The following UBAP2 variants were observed in gnomAD, a reference collection of about 807,000 sequenced individuals.
The protein encoded by UBAP2 is ubiquitin-associated protein 2.
In UBAP2, 75 loss-of-function variants were observed where a neutral mutation model predicts 139.6. The ratio of observed to expected loss-of-function variants is 0.54; its 90% CI spans 0.45 to 0.65. UBAP2 has a LOEUF of 0.65. Among genes scored for constraint, UBAP2 ranks in the 30% least tolerant of loss-of-function variants. The pLI is 0.00. For missense variants in UBAP2, 1,368 were observed against 1,369.6 expected, an observed-to-expected ratio of 1.00 and a Z score of 0.02; for synonymous variants, 526 against 526.2, an observed-to-expected ratio of 1.00 and a Z score of 0.01.
intron 21 of UBAP2, 132 bp from the exon 22 acceptor site, chr9:33,926,796 G>A (rs1041548327): frequency 2.6e-5 from 28 of 1,067,658 alleles, no homozygotes; most frequent in African/African-American, 6.2e-5. Context: ...TAGCTGTTAC[G>A]GGAACAGATC....
At chr9:33,997,606 T>C (rs1474497146) in intron 3 of UBAP2, 3 of 152,220 alleles carry the variant, frequency 2.0e-5, no homozygotes, top group East Asian at 1.9e-4. Flanking sequence ...AAATGTCTCA[T>C]TTTTATCAAT....
At chr9:33,992,667 G>C (rs1031251010) in intron 4 of UBAP2, among the ~76,000 whole-genome samples, 2 of 132,288 alleles carry the variant, frequency 1.5e-5, no homozygotes, top group African/African-American at 2.7e-5. Context: ...GAGGGGGGGG[G>C]GCACAAATAG....
chr9:33,969,124 AGTATG>A (rs1484667938), intron 8 of UBAP2, among the ~76,000 whole-genome samples: 6 of 152,226 alleles, frequency 3.9e-5, no homozygotes, highest in Non-Finnish European at 8.8e-5. Context: ...TTCAACAGGA[AGTATG>A]GGTTGTTTCT....
chr9:34,010,530 T>C (rs1451541998), intron 2 of UBAP2, among the ~76,000 whole-genome samples: 1 of 152,020 alleles, frequency 6.6e-6, no homozygotes, highest in African/African-American at 2.4e-5. Flanking sequence ...TTAATTCACT[T>C]TGAAAAGCAT....
intron 10 of UBAP2, among the ~76,000 whole-genome samples, chr9:33,957,562 T>C (rs528482457): frequency 1.4e-3 from 210 of 152,364 alleles, no homozygotes; most frequent in Middle Eastern, 6.8e-3. Context: ...TTGGGATATA[T>C]GCACACTGTT....
chr9:33,983,980 C>T (rs931689029), intron 6 of UBAP2, among the ~76,000 whole-genome samples: 1 of 151,672 alleles, frequency 6.6e-6, no homozygotes, highest in Non-Finnish European at 1.5e-5. Context: ...GGTACAATCT[C>T]GGCTCACTGC....
At chr9:33,946,983 C>CT (rs1432903585) in intron 13 of UBAP2, among the ~76,000 whole-genome samples, 1 of 152,198 alleles carries the variant, frequency 6.6e-6, no homozygotes. Flanking sequence ...TGCCAACACA[C>CT]TAACCTATTA....
chr9:34,039,415 G>A (rs1478117598), intron 1 of UBAP2, among the ~76,000 whole-genome samples: 1 of 152,220 alleles, frequency 6.6e-6, no homozygotes, highest in Non-Finnish European at 1.5e-5. Flanking sequence ...ATAGAAAAGG[G>A]GGAAATGTGG....
chr9:34,007,253 G>A (rs1823298262), intron 2 of UBAP2, among the ~76,000 whole-genome samples: 1 of 152,044 alleles, frequency 6.6e-6, no homozygotes, highest in Non-Finnish European at 1.5e-5. Flanking sequence ...CAACACTTTG[G>A]GAGGCTGAGG....
At position 33,977,375 on chromosome 9, in the gene UBAP2, C is replaced by T. The variant is rs529332519; in HGVS notation, c.521-4138G>A. ...TTAAAAATTAAAAAATCTAATCCAT[C>T]GTCCCCATAAATTCTAGCAAGATAA... On this transcript the variant is annotated intron_variant, in intron 6 of 28. Transcript: ENST00000379238. 3.9e-5 allele frequency among the ~76,000 whole-genome samples: 6 copies of T among 152,188 alleles called. 1 individual carries two copies. In the South Asian group the frequency reaches 6.2e-4, roughly 16 times the overall value.
At chr9:33,938,361 C>T (rs1824783449) in intron 16 of UBAP2, among the ~76,000 whole-genome samples, 1 of 151,906 alleles carries the variant, frequency 6.6e-6, no homozygotes, top group South Asian at 2.1e-4. Context: ...AAACTCCTGA[C>T]CTCAAGCAAT....
At chr9:33,987,405 C>CT (rs1236352545) in intron 5 of UBAP2, among the ~76,000 whole-genome samples, 1 of 152,044 alleles carries the variant, frequency 6.6e-6, no homozygotes, top group East Asian at 1.9e-4. Context: ...GAGCAAGACT[C>CT]TGTCTCAGAA....
chr9:34,035,269 G>A (rs1297786401), intron 1 of UBAP2, among the ~76,000 whole-genome samples: 8 of 151,540 alleles, frequency 5.3e-5, no homozygotes, highest in Admixed American at 6.6e-5. Context: ...TTGGGAGGCC[G>A]AGGCGGGCGG....
chr9:33,995,498 T>TATATATTTATATTATTAAATATATAA (rs1242540527), intron 4 of UBAP2: 12 of 130,760 alleles, frequency 9.2e-5, no homozygotes, highest in African/African-American at 2.1e-4. Context: ...TTATTAAATA[T>TATATATTTATATTATTAAATATATAA]ATATATTTAT....
At chr9:34,025,512 T>G (rs551065830) in intron 1 of UBAP2, among the ~76,000 whole-genome samples, 15 of 152,328 alleles carry the variant, frequency 9.8e-5, no homozygotes, top group African/African-American at 3.6e-4. Context: ...TGTGATAGAT[T>G]TTAACACAGG....
At chr9:33,983,713 G>A (rs1182709562) in intron 6 of UBAP2, among the ~76,000 whole-genome samples, 3 of 152,032 alleles carry the variant, frequency 2.0e-5, no homozygotes, top group Non-Finnish European at 4.4e-5. Flanking sequence ...AATTAGCAGA[G>A]GTGTACGTGC....
rs13294858 is a variant in UBAP2 at position 33,978,288 on chromosome 9, C to T, written c.521-5051G>A. ...GTGGCTCATGTCTGTAATCCCAGCACCTTGGTAGGTCAAGATGGGAGGATC... is the reference window on the plus strand; with the variant it reads ...GTGGCTCATGTCTGTAATCCCAGCATCTTGGTAGGTCAAGATGGGAGGATC... On this transcript the variant is annotated intron_variant, in intron 6 of 28. Coordinates refer to ENST00000379238, the MANE Select transcript of UBAP2 (RefSeq NM_001370062.2). Among the ~76,000 whole-genome samples the T allele has an allele frequency of 3.7e-3, 555 of 151,946 alleles. 3 individuals are homozygous for T. The highest frequency in any genetic ancestry group is 4.4e-3 in the Non-Finnish European group (298 of 67,972).
At chr9:33,957,543 A>AT (rs1826672467) in intron 10 of UBAP2, among the ~76,000 whole-genome samples, 1 of 152,206 alleles carries the variant, frequency 6.6e-6, no homozygotes, top group Admixed American at 6.5e-5. Flanking sequence ...TTCACTCAGC[A>AT]TAATTATTTT....
chr9:33,984,227 T>C (rs1821008456), intron 6 of UBAP2, among the ~76,000 whole-genome samples: 1 of 152,146 alleles, frequency 6.6e-6, no homozygotes, highest in Non-Finnish European at 1.5e-5. Flanking sequence ...TTTAAAAATA[T>C]GGTCTCCAAT....
Sources: allele counts gnomAD v4.1 joint callset (sites outside exome capture counted in the v4.1 genomes callset), GRCh38; gene constraint gnomAD v4.1.1; transcripts MANE v1.5; gene names NCBI Gene and HGNC (gene_info 2026-07-23, HGNC 2026-07-21).